Variants in ASIC5 observed in about 807,000 individuals in gnomAD.
ASIC5 encodes the protein bile acid-sensitive ion channel.
ASIC5 carries 52 observed loss-of-function variants against 51.2 expected under a neutral mutation model. That is an observed-to-expected ratio of 1.02 (90% CI 0.81 to 1.28). ASIC5 has a LOEUF of 1.28. Ranked by LOEUF, ASIC5 falls within the 50% of genes most tolerant of loss-of-function variation. ASIC5 has a pLI of 0.00. For synonymous variants in ASIC5, 231 were observed against 200.7 expected (o/e 1.15, Z -1.28); for missense variants, 635 against 595.0 (o/e 1.07, Z -0.70).
In ASIC5 at chr4:155,836,776, G is replaced by T; in HGVS notation, c.1148C>A (p.Pro383Gln). Residue 383 changes from proline (P) to glutamine (Q), a missense_variant, in exon 8 of 10, where the codon CCG becomes CAG. Transcript: ENST00000537611. ...CPVSCEEIEY[P>Q]ATISYSSFPS... ...AAAAGAGGAATAAGAAATAGTGGCCGGGTATTCTATTTCTTCACAAGAAAC... is the reference window on the plus strand; with the variant it reads ...AAAAGAGGAATAAGAAATAGTGGCCTGGTATTCTATTTCTTCACAAGAAAC... 3.7e-6 allele frequency: 6 copies of T among 1,602,528 alleles called. No homozygotes were observed. Among genetic ancestry groups the T allele is most frequent in the Non-Finnish European group, 4.3e-6 (5 of 1,169,754 alleles).
At chr4:155,853,955 G>T in intron 3 of ASIC5, 122 bp downstream of exon 3, 4 of 732,270 alleles carry the variant, frequency 5.5e-6, no homozygotes, top group South Asian at 1.8e-5. Flanking sequence ...TAATGAAATA[G>T]AATCTGTAAG....
chr4:155,859,473 C>T (rs1324427752), intron 2 of ASIC5, among the ~76,000 whole-genome samples: 1 of 151,894 alleles, frequency 6.6e-6, no homozygotes, highest in Non-Finnish European at 1.5e-5. Context: ...TAAACCCTTT[C>T]TTATAATCCA....
Position 155,852,186 on chromosome 4 carries a change from A to G in ASIC5, c.711+5T>C. On this transcript the variant is annotated splice_donor_5th_base_variant and intron_variant, in intron 4 of 9. Transcript: ENST00000537611. ...TTTGTCTTGAACCTGGAGAAAATTC[A>G]GTACCTGATTCACATTGAAGAGTAA... The G allele has an allele frequency of 6.2e-7, 1 of 1,611,946 alleles. No homozygotes were observed. The highest frequency in any genetic ancestry group is 1.3e-5 in the African/African-American group (1 of 74,912).
At chr4:155,848,622 A>G (rs1490209611) in intron 4 of ASIC5, among the ~76,000 whole-genome samples, 1 of 151,968 alleles carries the variant, frequency 6.6e-6, no homozygotes, top group Non-Finnish European at 1.5e-5. Context: ...ACCTTTTTTC[A>G]TCCAAGGACA....
chr4:155,857,000 T>A (rs1741559130), intron 2 of ASIC5, among the ~76,000 whole-genome samples: 1 of 152,048 alleles, frequency 6.6e-6, no homozygotes, highest in Middle Eastern at 3.2e-3. Flanking sequence ...ACCATGAGAG[T>A]AATTTATATA....
At chr4:155,849,547 G>A (rs1007331592) in intron 4 of ASIC5, among the ~76,000 whole-genome samples, 4 of 152,016 alleles carry the variant, frequency 2.6e-5, no homozygotes, top group African/African-American at 4.8e-5. Flanking sequence ...TAATCCTTTA[G>A]TTAGGATTAG....
chr4:155,829,913 C>A lies in ASIC5; in HGVS notation c.1461G>T (p.Gln487His). The change falls in exon 10 of 10, where the codon CAG becomes CAT. Residue 487 changes from glutamine (Q) to histidine (H), a missense_variant. Gln to His is a conservative substitution (Grantham distance 24). Coordinates refer to ENST00000537611, the MANE Select transcript of ASIC5 (RefSeq NM_017419.3). The part of the protein sequence containing the change: ...FFLLKISEMT[Q>H]WTPPPQNHLG... ...GATGATTCTGAGGTGGAGGAGTCCA[C>A]TGGGTCATTTCAGATATCTTCAGCA... is the stretch of plus-strand genomic sequence containing the variant. 1 of 1,605,882 alleles carries A rather than the reference C, an allele frequency of 6.2e-7. No individual in the cohort carries two copies. The highest frequency in any genetic ancestry group is 1.1e-5 in the South Asian group (1 of 89,702).
intron 9 of ASIC5, among the ~76,000 whole-genome samples, chr4:155,830,754 A>G (rs892766677): frequency 5.3e-5 from 8 of 152,022 alleles, no homozygotes; most frequent in Admixed American, 4.6e-4. Flanking sequence ...CTAACTCCTC[A>G]TCCTTCCTCT....
chr4:155,839,883 A>T (rs1298685998), intron 6 of ASIC5, among the ~76,000 whole-genome samples: 2 of 152,196 alleles, frequency 1.3e-5, no homozygotes, highest in African/African-American at 4.8e-5. Context: ...AACAAACAAA[A>T]GAACAATGAA....
Position 155,832,756 on chromosome 4 carries a change from CCTTCAAAATAT to C in ASIC5, c.1236-852_1236-842del, listed in dbSNP as rs1347892102. ...TCAGGAAAGCCCATTTTTTATGTTA[CCTTCAAAATAT>C]ATCTGGACTCCTATGACCTCTCACC... On this transcript the variant is annotated intron_variant, in intron 8 of 9. Coordinates refer to ENST00000537611, the MANE Select transcript of ASIC5 (RefSeq NM_017419.3). 3.9e-5 allele frequency among the ~76,000 whole-genome samples: 6 copies of C among 152,162 alleles called. No homozygotes were observed. In the East Asian group the frequency reaches 1.2e-3, roughly 29 times the overall value.
At chr4:155,855,552 C>T (rs1452877379) in intron 2 of ASIC5, among the ~76,000 whole-genome samples, 1 of 151,886 alleles carries the variant, frequency 6.6e-6, no homozygotes, top group Non-Finnish European at 1.5e-5. Flanking sequence ...AATGTTCTCT[C>T]TTTAAATTGA....
At chr4:155,865,953 C>G (rs1243504029) in intron 1 of ASIC5, among the ~76,000 whole-genome samples, 1 of 152,052 alleles carries the variant, frequency 6.6e-6, no homozygotes, top group Non-Finnish European at 1.5e-5. Context: ...AACAAAGAAA[C>G]AAAATCAGAT....
At chr4:155,840,616 T>A (rs1007660790) in intron 6 of ASIC5, among the ~76,000 whole-genome samples, 1 of 151,826 alleles carries the variant, frequency 6.6e-6, no homozygotes, top group Non-Finnish European at 1.5e-5. Context: ...CTGAACTAAC[T>A]TTGGGAGGAA....
intron 2 of ASIC5, among the ~76,000 whole-genome samples, chr4:155,855,022 C>A (rs1328010283): frequency 6.6e-6 from 1 of 151,992 alleles, no homozygotes; most frequent in African/African-American, 2.4e-5. Flanking sequence ...TACTTCAGCC[C>A]CAGCACAAAG....
chr4:155,830,654 G>T (rs541681366), intron 9 of ASIC5, among the ~76,000 whole-genome samples: 2 of 152,176 alleles, frequency 1.3e-5, no homozygotes, highest in South Asian at 4.1e-4. Flanking sequence ...CATTAAGTAC[G>T]TTCACATTGT....
At chr4:155,830,891 C>T (rs780627428) in intron 9 of ASIC5, among the ~76,000 whole-genome samples, 1 of 152,122 alleles carries the variant, frequency 6.6e-6, no homozygotes, top group Admixed American at 6.6e-5. Flanking sequence ...AGGACCATTC[C>T]GTTTTTGTAA....
chr4:155,831,639 C>T (rs1352078547), intron 9 of ASIC5, among the ~76,000 whole-genome samples, 185 bp downstream of exon 9: 1 of 151,964 alleles, frequency 6.6e-6, no homozygotes, highest in Admixed American at 6.6e-5. Flanking sequence ...GGCGTGGTGG[C>T]GGGTGCCTGT....
chr4:155,838,175 A>G (rs183259662), intron 7 of ASIC5, among the ~76,000 whole-genome samples: 30 of 152,224 alleles, frequency 2.0e-4, no homozygotes, highest in Non-Finnish European at 3.8e-4. Context: ...AAGGGTATAT[A>G]TTGGGATTCT....
chr4:155,847,439 T>C (rs1221438018), intron 4 of ASIC5, among the ~76,000 whole-genome samples: 1 of 151,990 alleles, frequency 6.6e-6, no homozygotes. Context: ...AATGCATTCC[T>C]GGCCAGGCAC....
Sources: gnomAD v4.1 joint callset for allele counts (sites outside exome capture counted in the v4.1 genomes callset) on GRCh38, gnomAD v4.1.1 for gene constraint, MANE v1.5 for transcripts, NCBI Gene and HGNC (gene_info 2026-07-23, HGNC 2026-07-21) for gene names.